The following SRSF6 variants were observed in gnomAD, a reference collection of about 807,000 sequenced individuals.
The protein encoded by SRSF6 is serine and arginine rich splicing factor 6, also known as serine/arginine-rich splicing factor 6.
In SRSF6, 17 loss-of-function variants were observed where a neutral mutation model predicts 42.0. The ratio of observed to expected loss-of-function variants is 0.40; its 90% CI spans 0.28 to 0.61. The LOEUF (loss-of-function observed/expected upper bound fraction) is 0.61, where lower values mean the gene tolerates loss of function less well. Ranked by LOEUF, SRSF6 falls within the 20% of genes least tolerant of loss-of-function variation. The pLI is 0.37. For missense variants in SRSF6, 379 were observed against 471.4 expected, an observed-to-expected ratio of 0.80 and a Z score of 1.81; for synonymous variants, 204 against 166.7, an observed-to-expected ratio of 1.22 and a Z score of -1.72.
chr20:43,463,659 T>G lies in SRSF6; in HGVS notation c.*2596T>G, dbSNP rs77399104. Reference sequence around the variant, plus strand: ...CACTTAGGACCAGATTCTTAACAAATGTTTTTTTGAATTGGAGTTTGCATT... The same window carrying G: ...CACTTAGGACCAGATTCTTAACAAAGGTTTTTTTGAATTGGAGTTTGCATT... On this transcript the variant is annotated 3_prime_UTR_variant, in exon 6 of 6. Transcript: ENST00000244020. The G allele has an allele frequency of 6.5e-6, 1 of 152,672 alleles. No individual in the cohort carries two copies. The highest frequency in any genetic ancestry group is 2.4e-5 in the African/African-American group (1 of 41,472). The allele number at this position is 152,672 out of a possible 1,614,324, so 9.5% of individuals were successfully genotyped here. A position where few individuals can be genotyped will look rare whatever the true frequency, so the allele number is the denominator to read the frequency against.
Position 43,459,809 on chromosome 20 carries a change from A to C in SRSF6, c.295A>C (p.Arg99=). ...ATACAGCAGTCGGAGAACATCTGGC[A>C]GAGACAAATACGGACCACCTGTTCG... ...GGYSSRRTSG[R]DKYGPPVRTE... The change falls in exon 3 of 6, where the codon AGA becomes CGA. Residue 99 remains arginine (R), a synonymous_variant. Transcript: ENST00000244020. The C allele has an allele frequency of 5.0e-6, 8 of 1,613,882 alleles. No homozygotes were observed. The highest frequency in any genetic ancestry group is 6.8e-6 in the Non-Finnish European group (8 of 1,180,044).
intron 1 of SRSF6, 40 bp downstream of exon 1, chr20:43,458,180 C>T (rs2017528826): frequency 1.3e-6 from 2 of 1,590,218 alleles, no homozygotes; most frequent in Non-Finnish European, 1.7e-6. Flanking sequence ...CGTCCCAGGC[C>T]TGGTGGCGGC....
Position 43,458,188 on chromosome 20 carries a change from G to A in SRSF6, c.107+48G>A, listed in dbSNP as rs767225897. 7.0e-6 allele frequency: 11 copies of A among 1,579,010 alleles called. No homozygotes were observed. In the South Asian group the frequency reaches 1.1e-4, roughly 16 times the overall value. Reference sequence around the variant, plus strand: ...CGCCCAGCGTCCCAGGCCTGGTGGCGGCGGGAACTCTCCAAGGAAAGAAGC... The same window carrying A: ...CGCCCAGCGTCCCAGGCCTGGTGGCAGCGGGAACTCTCCAAGGAAAGAAGC... On this transcript the variant is annotated intron_variant, in intron 1 of 5. Coordinates refer to ENST00000244020, the MANE Select transcript of SRSF6 (RefSeq NM_006275.6).
At position 43,460,598 on chromosome 20, in the gene SRSF6, G is replaced by A; in HGVS notation, c.674G>A (p.Arg225His). Reference sequence around the variant, plus strand: ...CGAAGTATCTCAAAAAGTCGCTCCCGGTAAATAACGTTGTGTTGAGTCACT... The same window carrying A: ...CGAAGTATCTCAAAAAGTCGCTCCCAGTAAATAACGTTGTGTTGAGTCACT... ...RSRSISKSRS[R>H]SRSRSKGRSR... Residue 225 changes from arginine (R) to histidine (H), a missense_variant and splice_region_variant, in exon 5 of 6, where the codon CGT becomes CAT. Physicochemically the swap from Arg to His is conservative, Grantham distance 29 (BLOSUM62 0). Transcript: ENST00000244020. The A allele has an allele frequency of 2.5e-6, 4 of 1,614,082 alleles. No homozygotes were observed. The highest frequency in any genetic ancestry group is 1.1e-5 in the South Asian group (1 of 91,082).
chr20:43,461,135 C>G lies in SRSF6; in HGVS notation c.*72C>G. 4 of 1,476,890 alleles carry G rather than the reference C, an allele frequency of 2.7e-6. No homozygotes were observed. The highest frequency in any genetic ancestry group is 3.6e-6 in the Non-Finnish European group (4 of 1,116,404). The allele number at this position is 1,476,890 out of a possible 1,614,324, so 91.5% of individuals were successfully genotyped here. ...AGGCAGTTACTCTTCCATGTTTATA[C>G]TTGGCCTCTTCTGCAAGAGGAATCT... On this transcript the variant is annotated 3_prime_UTR_variant, in exon 6 of 6. Transcript: ENST00000244020.
chr20:43,459,935 G>A, intron 3 of SRSF6, 40 bp downstream of exon 3: 2 of 1,601,284 alleles, frequency 1.2e-6, no homozygotes, highest in South Asian at 1.1e-5. Flanking sequence ...TATGACTAAT[G>A]CTTTAAAGTA....
rs57110045 is a variant in SRSF6 at position 43,461,337 on chromosome 20, G to GTTTTTTTTTTTTTTTTTTTTTTTTTTT, written c.*285_*311dup. 5 of 43,768 alleles carry GTTTTTTTTTTTTTTTTTTTTTTTTTTT rather than the reference G, an allele frequency of 1.1e-4. 1 individual carries two copies. The highest frequency in any genetic ancestry group is 2.9e-4 in the Admixed American group (1 of 3,442). The allele number at this position is 43,768 out of a possible 1,614,324, so 2.7% of individuals were successfully genotyped here. A position where few individuals can be genotyped will look rare whatever the true frequency, so the allele number is the denominator to read the frequency against. On this transcript the variant is annotated 3_prime_UTR_variant, in exon 6 of 6. Coordinates refer to ENST00000244020, the MANE Select transcript of SRSF6 (RefSeq NM_006275.6). ...GTAAAGATTAAGCTCATTTAGTGTT[G>GTTTTTTTTTTTTTTTTTTTTTTTTTTT]TTTTTTTTTTTTTTTTTTTTTTTTT... is the stretch of plus-strand genomic sequence containing the variant.
rs1011439127 is a variant in SRSF6, at chr20:43,463,079, C to T, written c.*2016C>T. ...AGGCTTTCTAAAAGTATGAAACATC[C>T]TTCAACTGGGCTCTCTTGTTAATAG... On this transcript the variant is annotated 3_prime_UTR_variant, in exon 6 of 6. Coordinates refer to ENST00000244020, the MANE Select transcript of SRSF6 (RefSeq NM_006275.6). The T allele has an allele frequency of 1.3e-5, 2 of 152,316 alleles. No homozygotes were observed. Among genetic ancestry groups the T allele is most frequent in the African/African-American group, 4.8e-5 (2 of 41,386 alleles). The allele number at this position is 152,316 out of a possible 1,614,324, so 9.4% of individuals were successfully genotyped here. A position where few individuals can be genotyped will look rare whatever the true frequency, so the allele number is the denominator to read the frequency against.
intron 2 of SRSF6, 147 bp from the exon 3 acceptor site, chr20:43,459,624 C>T: frequency 7.3e-7 from 1 of 1,372,650 alleles, no homozygotes; most frequent in Non-Finnish European, 9.9e-7. Context: ...AATTTTATGG[C>T]AAATCACAAA....
chr20:43,460,893 A>G lies in SRSF6; in HGVS notation c.865A>G (p.Ile289Val), dbSNP rs757666245. The change falls in exon 6 of 6, where the codon ATA becomes GTA. Residue 289 changes from isoleucine to valine, a missense_variant. Physicochemically the swap from Ile to Val is conservative, Grantham distance 29. Transcript: ENST00000244020. The part of the protein sequence containing the change: ...RSPKENGKGD[I>V]KSKSRSRSQS... Reference sequence around the variant, plus strand: ...CCCTAAAGAAAATGGAAAGGGTGATATAAAGTCAAAATCCAGATCAAGGAG... The same window carrying G: ...CCCTAAAGAAAATGGAAAGGGTGATGTAAAGTCAAAATCCAGATCAAGGAG... 2.5e-6 allele frequency: 4 copies of G among 1,614,070 alleles called. No homozygotes were observed. The highest frequency in any genetic ancestry group is 2.2e-5 in the East Asian group (1 of 44,896).
Position 43,461,334 on chromosome 20 carries a change from GTTGTTTTTTTTTTTTTTTTTT to G in SRSF6, c.*274_*294del, listed in dbSNP as rs1258634712. The G allele has an allele frequency of 3.9e-4, 22 of 56,502 alleles. No individual in the cohort carries two copies. The highest frequency in any genetic ancestry group is 1.2e-3 in the African/African-American group (16 of 13,576). The allele number at this position is 56,502 out of a possible 1,614,324, so 3.5% of individuals were successfully genotyped here. A position where few individuals can be genotyped will look rare whatever the true frequency, so the allele number is the denominator to read the frequency against. ...TTTGTAAAGATTAAGCTCATTTAGT[GTTGTTTTTTTTTTTTTTTTTT>G]TTTTTTTTTTTTTTTTTTTAGTATT... On this transcript the variant is annotated 3_prime_UTR_variant, in exon 6 of 6. Transcript: ENST00000244020.
At chr20:43,459,939 T>C (rs2017556619) in intron 3 of SRSF6, 44 bp downstream of exon 3, 3 of 1,600,576 alleles carry the variant, frequency 1.9e-6, no homozygotes, top group Admixed American at 3.5e-5. Flanking sequence ...ACTAATGCTT[T>C]AAAGTAAACT....
rs1363075435 is a variant in SRSF6, at chr20:43,462,389, T to A, written c.*1326T>A. ...TTAACCTTACATCCCTTTGTTCAGA[T>A]ACCTTAAAAGTTACTTTATTTAAAA... On this transcript the variant is annotated 3_prime_UTR_variant, in exon 6 of 6. Coordinates refer to ENST00000244020, the MANE Select transcript of SRSF6 (RefSeq NM_006275.6). 2 of 152,208 alleles carry A rather than the reference T, an allele frequency of 1.3e-5. No homozygotes were observed. The highest frequency in any genetic ancestry group is 2.4e-5 in the African/African-American group (1 of 41,444). 9.4% of individuals were successfully genotyped at this position (152,208 alleles called of 1,614,324 possible).
At position 43,463,554 on chromosome 20, in the gene SRSF6, T is replaced by C. The variant is rs2017640052; in HGVS notation, c.*2491T>C. 6.5e-6 allele frequency: 1 copy of C among 152,864 alleles called. No homozygotes were observed. The highest frequency in any genetic ancestry group is 1.5e-5 in the Non-Finnish European group (1 of 68,192). The allele number at this position is 152,864 out of a possible 1,614,324, so 9.5% of individuals were successfully genotyped here. ...CCTGTGTTACCACCTTCCTCCCGAT[T>C]TGTTCACCTATTTTGTGCTTTAAAT... is the stretch of plus-strand genomic sequence containing the variant. On this transcript the variant is annotated 3_prime_UTR_variant, in exon 6 of 6. Transcript: ENST00000244020.
In SRSF6 at chr20:43,460,045, C is replaced by A; in HGVS notation, c.394C>A (p.Gln132Lys). 1 of 1,614,208 alleles carries A rather than the reference C, an allele frequency of 6.2e-7. No homozygotes were observed. The highest frequency in any genetic ancestry group is 8.5e-7 in the Non-Finnish European group (1 of 1,180,044). Residue 132 changes from glutamine to lysine, a missense_variant, in exon 4 of 6, where the codon CAA (glutamine) becomes AAA (lysine). Gln to Lys is a moderately conservative substitution (Grantham distance 53). Coordinates refer to ENST00000244020, the MANE Select transcript of SRSF6 (RefSeq NM_006275.6). ...TCTTGTCTTTCAGGATTTTATGCGA[C>A]AAGCAGGTGAAGTAACCTATGCGGA... ...SWQDLKDFMR[Q>K]AGEVTYADAH...
At chr20:43,460,406 T>C in intron 4 of SRSF6, 109 bp from the exon 5 acceptor site, 1 of 1,400,246 alleles carries the variant, frequency 7.1e-7, no homozygotes, top group Non-Finnish European at 1.0e-6. Context: ...GTGTATTTAA[T>C]TTCGTAGTAA....
Position 43,461,334 on chromosome 20 carries a change from G to GTTTTTTTTTTTTTT in SRSF6, c.*273_*274insTTTTTTTTTTTTTT, listed in dbSNP as rs1196378267. On this transcript the variant is annotated 3_prime_UTR_variant, in exon 6 of 6. Coordinates refer to ENST00000244020, the MANE Select transcript of SRSF6 (RefSeq NM_006275.6). ...TTTGTAAAGATTAAGCTCATTTAGT[G>GTTTTTTTTTTTTTT]TTGTTTTTTTTTTTTTTTTTTTTTT... 28 of 56,470 alleles carry GTTTTTTTTTTTTTT rather than the reference G, an allele frequency of 5.0e-4. 4 individuals are homozygous for GTTTTTTTTTTTTTT. Among genetic ancestry groups the GTTTTTTTTTTTTTT allele is most frequent in the African/African-American group, 1.8e-3 (25 of 13,570 alleles). The allele number at this position is 56,470 out of a possible 1,614,324, so 3.5% of individuals were successfully genotyped here.
In SRSF6 at chr20:43,458,069, C is replaced by T. The variant is rs751279428; in HGVS notation, c.36C>T (p.Asn12=). 8 of 1,613,448 alleles carry T rather than the reference C, an allele frequency of 5.0e-6. No individual in the cohort carries two copies. The highest frequency in any genetic ancestry group is 2.2e-5 in the South Asian group (2 of 91,050). ...PRVYIGRLSY[N]VREKDIQRFF... is the part of the protein sequence containing the mutation. ...TCTACATAGGACGCCTGAGCTACAACGTCCGGGAGAAGGACATCCAGCGCT... is the reference window on the plus strand; with the variant it reads ...TCTACATAGGACGCCTGAGCTACAATGTCCGGGAGAAGGACATCCAGCGCT... The change falls in exon 1 of 6, where the codon AAC becomes AAT. Residue 12 remains asparagine, a synonymous_variant. Coordinates refer to ENST00000244020, the MANE Select transcript of SRSF6 (RefSeq NM_006275.6).
At position 43,460,759 on chromosome 20, in the gene SRSF6, G is replaced by C. The variant is rs2017572924; in HGVS notation, c.731G>C (p.Arg244Thr). 1 of 1,614,006 alleles carries C rather than the reference G, an allele frequency of 6.2e-7. No homozygotes were observed. Among genetic ancestry groups the C allele is most frequent in the South Asian group, 1.1e-5 (1 of 91,076 alleles). ...SRSRSKGRKSRSKSKSKPKSD... is the reference protein window; with the variant it reads ...SRSRSKGRKSTSKSKSKPKSD... Reference sequence around the variant, plus strand: ...TCTCGATCAAAAGGCAGGAAATCTAGATCAAAGAGCAAATCTAAGCCCAAG... The same window carrying C: ...TCTCGATCAAAAGGCAGGAAATCTACATCAAAGAGCAAATCTAAGCCCAAG... Residue 244 changes from arginine to threonine, a missense_variant, in exon 6 of 6, where the codon AGA becomes ACA. Arg to Thr is a moderately conservative substitution (Grantham distance 71). Around this residue, in one of 3 missense-constraint regions of SRSF6, gnomAD observed 219 missense variants for 216.1 expected, o/e 1.01. Transcript: ENST00000244020.
Sources: gnomAD v4.1 joint callset for allele counts on GRCh38, gnomAD v4.1.1 for gene constraint, gnomAD v4.1.1 regional missense constraint, MANE v1.5 for transcripts, NCBI Gene and HGNC (gene_info 2026-07-23, HGNC 2026-07-21) for gene names.